Variants in EVI5 observed in about 807,000 individuals in gnomAD.
EVI5 encodes the protein ecotropic viral integration site 5.
EVI5 carries 73 observed loss-of-function variants against 112.0 expected under a neutral mutation model. The ratio of observed to expected loss-of-function variants is 0.65; its 90% CI spans 0.54 to 0.79. The LOEUF is 0.79. EVI5 is among the 30% of genes least tolerant of loss of function. EVI5 has a pLI of 0.00. For missense variants in EVI5, 900 were observed against 968.8 expected (o/e 0.93, Z 0.94); for synonymous variants, 305 against 319.9 (o/e 0.95, Z 0.50).
Position 92,622,003 on chromosome 1 carries a change from C to A in EVI5, c.1827+2173G>T, listed in dbSNP as rs566602323. On this transcript the variant is annotated intron_variant, in intron 16 of 19. Coordinates refer to ENST00000684568, the MANE Select transcript of EVI5 (RefSeq NM_001350197.2). ...AGGCGTGGTAGTGGGCGCCTGTAAT[C>A]CCAGCTACTTGGGAGGCTGAGGAGG... Among the ~76,000 whole-genome samples the A allele has an allele frequency of 1.3e-4, 20 of 152,116 alleles. No homozygotes were observed. The East Asian group carries it at 3.9e-3, about 30-fold the overall frequency.
At chr1:92,658,695 T>TACC (rs1003959159) in intron 13 of EVI5, among the ~76,000 whole-genome samples, 4 of 151,990 alleles carry the variant, frequency 2.6e-5, no homozygotes, top group African/African-American at 9.7e-5. Context: ...CCTATAAAAA[T>TACC]ACCAATGTCT....
chr1:92,659,198 A>G lies in EVI5; in HGVS notation c.1392+3521T>C, dbSNP rs139786195. 5.9e-3 allele frequency among the ~76,000 whole-genome samples: 903 copies of G among 152,198 alleles called. 3 individuals are homozygous for G. Among genetic ancestry groups the G allele is most frequent in the Non-Finnish European group, 0.011 (719 of 67,950 alleles). On this transcript the variant is annotated intron_variant, in intron 13 of 19. Transcript: ENST00000684568. ...ATCTGCTCATTGGCCTAGGCAAAGA[A>G]TTCATGACTAAGACCTCAAAAGCAA... is the stretch of plus-strand genomic sequence containing the variant.
At chr1:92,583,398 C>CTACTTGTATTTGGGATTTGTAATCCCAAA (rs1672262199) in intron 18 of EVI5, among the ~76,000 whole-genome samples, 1 of 149,722 alleles carries the variant, frequency 6.7e-6, no homozygotes, top group East Asian at 2.0e-4. Flanking sequence ...GTAATCCCAG[C>CTACTTGTATTTGGGATTTGTAATCCCAAA]TACTTGAGAG....
intron 19 of EVI5, among the ~76,000 whole-genome samples, chr1:92,519,549 C>T (rs1267316411): frequency 1.3e-5 from 2 of 152,110 alleles, no homozygotes; most frequent in Non-Finnish European, 2.9e-5. Flanking sequence ...ACAACTGATG[C>T]TATTTGGCAA....
chr1:92,574,520 G>A (rs748169038), intron 18 of EVI5, among the ~76,000 whole-genome samples: 1 of 152,146 alleles, frequency 6.6e-6, no homozygotes, highest in African/African-American at 2.4e-5. Context: ...AAACTGAGAC[G>A]AATAGAATGT....
intron 18 of EVI5, among the ~76,000 whole-genome samples, chr1:92,567,050 G>A (rs914954879): frequency 5.3e-5 from 8 of 151,782 alleles, no homozygotes; most frequent in Admixed American, 3.3e-4. Context: ...CAAGTGTTCC[G>A]CCCACCCGCC....
Position 92,745,745 on chromosome 1 carries a change from G to T in EVI5, c.-81-9118C>A, listed in dbSNP as rs746500669. Among the ~76,000 whole-genome samples the T allele has an allele frequency of 1.8e-4, 28 of 152,150 alleles. 1 individual carries two copies. The highest frequency in any genetic ancestry group is 5.2e-4 in the Admixed American group (8 of 15,276). The stretch of plus-strand genomic sequence containing the variant: ...CACTTGAGCCCAGGAGCATAAAGCT[G>T]CAGTGAGCCATGATTATGCCACTGC... On this transcript the variant is annotated intron_variant, in intron 1 of 19. Transcript: ENST00000684568.
At chr1:92,597,581 T>C (rs1372498839) in intron 18 of EVI5, among the ~76,000 whole-genome samples, 2 of 152,218 alleles carry the variant, frequency 1.3e-5, no homozygotes, top group East Asian at 1.9e-4. Flanking sequence ...AAAGAACATA[T>C]ACAAGTTGAT....
intron 10 of EVI5, among the ~76,000 whole-genome samples, chr1:92,667,800 A>G (rs1226587614): frequency 6.6e-6 from 1 of 152,088 alleles, no homozygotes; most frequent in Non-Finnish European, 1.5e-5. Context: ...TATTTTTAGT[A>G]GAGAGGGGGT....
chr1:92,528,543 G>A (rs1662310116), intron 19 of EVI5, among the ~76,000 whole-genome samples: 1 of 152,084 alleles, frequency 6.6e-6, no homozygotes, highest in Admixed American at 6.6e-5. Flanking sequence ...AACCCCAAAT[G>A]GAAATAACTC....
At chr1:92,643,286 C>G (rs538831062) in intron 13 of EVI5, among the ~76,000 whole-genome samples, 172 of 130,558 alleles carry the variant, frequency 1.3e-3, no homozygotes, top group African/African-American at 4.8e-3. Context: ...TAAATTAACT[C>G]AAATCTTTTT....
intron 18 of EVI5, among the ~76,000 whole-genome samples, chr1:92,603,442 C>T (rs372345417): frequency 6.6e-6 from 1 of 152,000 alleles, no homozygotes; most frequent in East Asian, 1.9e-4. Context: ...TGGAAGCACC[C>T]TAAATGTCCA....
intron 9 of EVI5, among the ~76,000 whole-genome samples, chr1:92,678,689 T>C (rs1667125601): frequency 6.6e-6 from 1 of 152,238 alleles, no homozygotes; most frequent in African/African-American, 2.4e-5. Flanking sequence ...CAAAAATTAG[T>C]ACCACCAAAT....
At chr1:92,770,458 C>G (rs1683214205) in intron 1 of EVI5, among the ~76,000 whole-genome samples, 1 of 152,166 alleles carries the variant, frequency 6.6e-6, no homozygotes, top group Non-Finnish European at 1.5e-5. Flanking sequence ...AGTATAACTA[C>G]TGGGACAAGT....
intron 18 of EVI5, among the ~76,000 whole-genome samples, chr1:92,577,196 G>A (rs115545251): frequency 0.024 from 3,667 of 152,230 alleles, 65 homozygotes; most frequent in Non-Finnish European, 0.036. Context: ...AGGAACAAAG[G>A]CTTCCCTTTT....
At chr1:92,706,161 G>A (rs959436633) in intron 2 of EVI5, among the ~76,000 whole-genome samples, 12 of 151,514 alleles carry the variant, frequency 7.9e-5, no homozygotes, top group African/African-American at 2.4e-4. Flanking sequence ...ATACCAAACA[G>A]CCAAAGTGAG....
chr1:92,679,226 C>T (rs1456380322), intron 9 of EVI5, among the ~76,000 whole-genome samples: 1 of 152,120 alleles, frequency 6.6e-6, no homozygotes, highest in Admixed American at 6.5e-5. Flanking sequence ...ACAGTTTCAA[C>T]CTGAAGCCAT....
chr1:92,652,000 T>C (rs894744097), intron 13 of EVI5, among the ~76,000 whole-genome samples: 4 of 152,184 alleles, frequency 2.6e-5, no homozygotes, highest in African/African-American at 4.8e-5. Context: ...TCTAGGTATA[T>C]GCTTAAAAGA....
intron 18 of EVI5, among the ~76,000 whole-genome samples, chr1:92,601,018 G>A (rs1324786573): frequency 6.6e-6 from 1 of 152,172 alleles, no homozygotes; most frequent in Non-Finnish European, 1.5e-5. Flanking sequence ...AGTGGTGGTA[G>A]CAAAGTTAGG....
Sources: allele counts gnomAD v4.1 joint callset (sites outside exome capture counted in the v4.1 genomes callset), GRCh38; gene constraint gnomAD v4.1.1; transcripts MANE v1.5; gene names NCBI Gene and HGNC (gene_info 2026-07-23, HGNC 2026-07-21).